PHACTR2: variants seen among roughly 807,000 people sequenced by gnomAD.
PHACTR2 encodes the protein phosphatase and actin regulator 2, also known as chromosome 6 open reading frame 56.
A neutral mutation model predicts 76.0 loss-of-function variants in PHACTR2; 30 were observed. The observed-to-expected ratio is 0.39, with a 90% confidence interval of 0.30 to 0.54. The LOEUF (loss-of-function observed/expected upper bound fraction) is 0.54, where lower values mean the gene tolerates loss of function less well. PHACTR2 is among the 20% of genes least tolerant of loss of function. The pLI, the probability that PHACTR2 is intolerant of heterozygous loss-of-function variation, is 0.61. For synonymous variants in PHACTR2, 292 were observed against 292.5 expected (o/e 1.00, Z 0.02); for missense variants, 696 against 781.1 (o/e 0.89, Z 1.30).
upstream of PHACTR2, among the ~76,000 whole-genome samples, chr6:143,603,430 G>T (rs1023378350): frequency 6.6e-6 from 1 of 151,278 alleles, no homozygotes; most frequent in African/African-American, 2.4e-5. Flanking sequence ...AAAAAAAGAG[G>T]TATCAGGCAC....
rs1775189232 is a variant in PHACTR2 at position 143,772,934 on chromosome 6, A to G, written c.1432+477A>G. Among the ~76,000 whole-genome samples the G allele has an allele frequency of 6.6e-6, 1 of 152,218 alleles. No homozygotes were observed. Among genetic ancestry groups the G allele is most frequent in the Non-Finnish European group, 1.5e-5 (1 of 68,038 alleles). On this transcript the variant is annotated intron_variant, in intron 7 of 12. Transcript: ENST00000440869. This position sits in a 1 kb window ranked among gnomAD's most constrained non-coding sequence, Gnocchi z 5.4. ...CAAGAATGCCAAATACCTCATTAGCATTAAGAGGCTGGGCACGGTGGCTCA... is the reference window on the plus strand; with the variant it reads ...CAAGAATGCCAAATACCTCATTAGCGTTAAGAGGCTGGGCACGGTGGCTCA...
In PHACTR2 at chr6:143,801,489, T is replaced by C. The variant is rs915418362; in HGVS notation, c.1846-5568T>C. On this transcript the variant is annotated intron_variant, in intron 11 of 12. Transcript: ENST00000440869. The surrounding 1 kb of genome is among the most constrained non-coding windows in gnomAD (Gnocchi z 4.6). Reference sequence around the variant, plus strand: ...TATACTTTCTTCCGCTTGATCGAAGTGGCTATTGAGGCTTGTGTATGCTTC... The same window carrying C: ...TATACTTTCTTCCGCTTGATCGAAGCGGCTATTGAGGCTTGTGTATGCTTC... Among the ~76,000 whole-genome samples the C allele has an allele frequency of 2.0e-5, 3 of 152,174 alleles. No homozygotes were observed. Among genetic ancestry groups the C allele is most frequent in the Non-Finnish European group, 2.9e-5 (2 of 68,034 alleles).
At chr6:143,542,314 C>T (rs946298089) in intron 1 of PHACTR2, among the ~76,000 whole-genome samples, 1 of 152,182 alleles carries the variant, frequency 6.6e-6, no homozygotes. Context: ...GGCTTCATTC[C>T]AGAAGGGGCA....
intron 1 of PHACTR2, among the ~76,000 whole-genome samples, chr6:143,590,673 GCTTT>G (rs774291336): frequency 3.3e-5 from 5 of 151,986 alleles, no homozygotes; most frequent in Non-Finnish European, 5.9e-5. Flanking sequence ...GAGTTCAATG[GCTTT>G]CTTTCTATCT....
rs1391443947 is a variant in PHACTR2 at position 143,824,392 on chromosome 6, C to T, written c.*703C>T. 6.6e-6 allele frequency: 1 copy of T among 152,594 alleles called. No homozygotes were observed. The highest frequency in any genetic ancestry group is 1.5e-5 in the Non-Finnish European group (1 of 68,036). 9.5% of individuals were successfully genotyped at this position (152,594 alleles called of 1,614,324 possible). ...CTTCTACTGACTCTTAACAAGCATGCTTACCCAAATTTTGTTGCATGCTTT... is the reference window on the plus strand; with the variant it reads ...CTTCTACTGACTCTTAACAAGCATGTTTACCCAAATTTTGTTGCATGCTTT... On this transcript the variant is annotated 3_prime_UTR_variant, in exon 13 of 13. Coordinates refer to ENST00000440869, the MANE Select transcript of PHACTR2 (RefSeq NM_001100164.2). This position sits in a 1 kb window ranked among gnomAD's most constrained non-coding sequence, Gnocchi z 6.3.
chr6:143,652,390 C>CTGTTTGTT lies in PHACTR2; in HGVS notation c.13+44090_13+44097dup, dbSNP rs112494577. Among the ~76,000 whole-genome samples the CTGTTTGTT allele has an allele frequency of 0.02, 3,061 of 151,980 alleles. 95 individuals carry two copies. The highest frequency in any genetic ancestry group is 0.066 in the African/African-American group (2,749 of 41,384). On this transcript the variant is annotated intron_variant, in intron 1 of 11. Coordinates refer to the PHACTR2 transcript ENST00000305766. The surrounding 1 kb of genome is among the most constrained non-coding windows in gnomAD (Gnocchi z 4.5). ...CAGCTAGACAAAGGTACCTGCGCTG[C>CTGTTTGTT]TGTTTGTTTGTTTGTTTGTTTGTTT...
At position 143,789,025 on chromosome 6, in the gene PHACTR2, A is replaced by G. The variant is rs1775619043; in HGVS notation, c.1845+115A>G. The G allele has an allele frequency of 4.7e-6, 4 of 854,410 alleles. No individual in the cohort carries two copies. Among genetic ancestry groups the G allele is most frequent in the Non-Finnish European group, 7.3e-6 (4 of 551,450 alleles). The allele number at this position is 854,410 out of a possible 1,614,324, so 52.9% of individuals were successfully genotyped here. On this transcript the variant is annotated intron_variant, in intron 11 of 12. Transcript: ENST00000440869. This position sits in a 1 kb window ranked among gnomAD's most constrained non-coding sequence, Gnocchi z 5.1. The stretch of plus-strand genomic sequence containing the variant: ...ACGAGATCTTACCAAATATTACAAC[A>G]GTTTTCTGCCTCTGATTATTTAAGC...
In PHACTR2 at chr6:143,583,278, TG is replaced by T. The variant is rs1337701313; in HGVS notation, c.217+46072del. 6.6e-6 allele frequency among the ~76,000 whole-genome samples: 1 copy of T among 152,228 alleles called. No homozygotes were observed. Among genetic ancestry groups the T allele is most frequent in the African/African-American group, 2.4e-5 (1 of 41,460 alleles). ...TTTTACTAAACCATGATTTAGTGAATGAAAGCACTTATACCATGTGAGAATG... is the reference window on the plus strand; with the variant it reads ...TTTTACTAAACCATGATTTAGTGAATAAAGCACTTATACCATGTGAGAATG... On this transcript the variant is annotated intron_variant, in intron 1 of 11. Coordinates refer to the PHACTR2 transcript ENST00000367584. This position sits in a 1 kb window ranked among gnomAD's most constrained non-coding sequence, Gnocchi z 4.0.
At chr6:143,593,841 G>A (rs1372473684) in intron 1 of PHACTR2, among the ~76,000 whole-genome samples, 3 of 152,144 alleles carry the variant, frequency 2.0e-5, no homozygotes, top group East Asian at 1.9e-4. Context: ...AAACACAAAC[G>A]TGACATTCAA....
At position 143,754,237 on chromosome 6, in the gene PHACTR2, T is replaced by G. The variant is rs1779251644; in HGVS notation, c.454+325T>G. Reference sequence around the variant, plus strand: ...TAGGAGCTTTGTCTCAGGATCATAATGAAAGTGAGAAATCTGAACATCTTT... The same window carrying G: ...TAGGAGCTTTGTCTCAGGATCATAAGGAAAGTGAGAAATCTGAACATCTTT... On this transcript the variant is annotated intron_variant, in intron 4 of 12. Coordinates refer to ENST00000440869, the MANE Select transcript of PHACTR2 (RefSeq NM_001100164.2). The surrounding 1 kb of genome is among the most constrained non-coding windows in gnomAD (Gnocchi z 6.2). 1.2e-5 allele frequency: 2 copies of G among 172,976 alleles called. No individual in the cohort carries two copies. Among genetic ancestry groups the G allele is most frequent in the African/African-American group, 4.8e-5 (2 of 41,868 alleles). The allele number at this position is 172,976 out of a possible 1,614,324, so 10.7% of individuals were successfully genotyped here.
chr6:143,829,602 T>C lies in PHACTR2; in HGVS notation c.*5913T>C, dbSNP rs1776618807. 1 of 152,164 alleles carries C rather than the reference T, an allele frequency of 6.6e-6. No homozygotes were observed. The highest frequency in any genetic ancestry group is 1.5e-5 in the Non-Finnish European group (1 of 68,036). The allele number at this position is 152,164 out of a possible 1,614,324, so 9.4% of individuals were successfully genotyped here. ...CAAAACAAGATGAGTTTTACTTAGG[T>C]GAAACATTATTAAACTGTACTAACA... On this transcript the variant is annotated 3_prime_UTR_variant, in exon 13 of 13. Coordinates refer to ENST00000440869, the MANE Select transcript of PHACTR2 (RefSeq NM_001100164.2).
rs114035565 is a variant in PHACTR2, at chr6:143,598,925, G to A, written c.217+61718G>A. Among the ~76,000 whole-genome samples, 905 of 152,258 alleles carry A rather than the reference G, an allele frequency of 5.9e-3. 10 individuals are homozygous for A. Among genetic ancestry groups the A allele is most frequent in the African/African-American group, 0.021 (876 of 41,554 alleles). On this transcript the variant is annotated intron_variant, in intron 1 of 11. Transcript: ENST00000367584. The surrounding 1 kb of genome is among the most constrained non-coding windows in gnomAD (Gnocchi z 4.1). ...TGTTATCTGTTCCAGGTTTAGTGGCGTGAATAGTAAACATAGTAGATTAGT... is the reference window on the plus strand; with the variant it reads ...TGTTATCTGTTCCAGGTTTAGTGGCATGAATAGTAAACATAGTAGATTAGT...
rs1247410732 is a variant in PHACTR2 at position 143,663,496 on chromosome 6, A to C, written c.14-48520A>C. 6.6e-6 allele frequency among the ~76,000 whole-genome samples: 1 copy of C among 151,570 alleles called. No homozygotes were observed. The highest frequency in any genetic ancestry group is 1.5e-5 in the Non-Finnish European group (1 of 67,874). On this transcript the variant is annotated intron_variant, in intron 1 of 11. Coordinates refer to the PHACTR2 transcript ENST00000305766. The surrounding 1 kb of genome is among the most constrained non-coding windows in gnomAD (Gnocchi z 4.1). ...TTTTTAGCTTTATCATTTAATATTG[A>C]CCTAATTCATTTGTGTGATTATCTT...
At chr6:143,687,602 C>G (rs1335574836) in intron 1 of PHACTR2, among the ~76,000 whole-genome samples, 2 of 152,200 alleles carry the variant, frequency 1.3e-5, no homozygotes, top group African/African-American at 4.8e-5. Context: ...GGGCAAATCA[C>G]ATTACTTGCT....
intron 2 of PHACTR2, among the ~76,000 whole-genome samples, chr6:143,721,076 C>T (rs1363888479): frequency 6.6e-6 from 1 of 152,220 alleles, no homozygotes; most frequent in Non-Finnish European, 1.5e-5. Flanking sequence ...CAGATTCTGA[C>T]CCACCATCAA....
rs370260100 is a variant in PHACTR2 at position 143,765,472 on chromosome 6, G to A, written c.906G>A (p.Leu302=). The change falls in exon 6 of 13, where the codon CTG becomes CTA. Residue 302 remains leucine (L), a synonymous_variant. Transcript: ENST00000440869. The surrounding 1 kb of genome is among the most constrained non-coding windows in gnomAD (Gnocchi z 4.1). The part of the protein sequence containing the change: ...SDTTTSGTSD[L]KGEPAETRVE... Reference sequence around the variant, plus strand: ...CAACAACTTCTGGCACATCCGACCTGAAAGGAGAGCCTGCAGAGACCAGAG... The same window carrying A: ...CAACAACTTCTGGCACATCCGACCTAAAAGGAGAGCCTGCAGAGACCAGAG... 54 of 1,614,080 alleles carry A rather than the reference G, an allele frequency of 3.3e-5. No homozygotes were observed. The African/African-American group carries it at 7.1e-4, about 21-fold the overall frequency.
chr6:143,726,911 T>C (rs1169484087), intron 2 of PHACTR2, among the ~76,000 whole-genome samples: 1 of 152,226 alleles, frequency 6.6e-6, no homozygotes, highest in Non-Finnish European at 1.5e-5. Context: ...ATTTAGGATA[T>C]CCATCACCTC....
rs1394807775 is a variant in PHACTR2 at position 143,578,100 on chromosome 6, C to G, written c.217+40893C>G. Among the ~76,000 whole-genome samples the G allele has an allele frequency of 6.6e-6, 1 of 152,194 alleles. No homozygotes were observed. Among genetic ancestry groups the G allele is most frequent in the East Asian group, 1.9e-4 (1 of 5,186 alleles). On this transcript the variant is annotated intron_variant, in intron 1 of 11. Transcript: ENST00000367584. This position sits in a 1 kb window ranked among gnomAD's most constrained non-coding sequence, Gnocchi z 4.5. ...TCCCTTTCCCTCTCATGGATTAAATCAGCCATAGTCCAAATGCAAAGAGGG... is the reference window on the plus strand; with the variant it reads ...TCCCTTTCCCTCTCATGGATTAAATGAGCCATAGTCCAAATGCAAAGAGGG...
Position 143,823,695 on chromosome 6 carries a change from A to G in PHACTR2, c.*6A>G. ...CCAGGTTTCATCGTCCATAACGAAG[A>G]GTGAGACTATTTGGAAACAGAGACT... On this transcript the variant is annotated 3_prime_UTR_variant, in exon 13 of 13. Coordinates refer to ENST00000440869, the MANE Select transcript of PHACTR2 (RefSeq NM_001100164.2). This position sits in a 1 kb window ranked among gnomAD's most constrained non-coding sequence, Gnocchi z 5.7. 6.2e-7 allele frequency: 1 copy of G among 1,610,432 alleles called. No individual in the cohort carries two copies. The highest frequency in any genetic ancestry group is 1.1e-5 in the South Asian group (1 of 90,992).
Sources: gnomAD v4.1 joint callset for allele counts (sites outside exome capture counted in the v4.1 genomes callset) on GRCh38, gnomAD v4.1.1 for gene constraint, Gnocchi (gnomAD v3.1) non-coding constraint, MANE v1.5 for transcripts, NCBI Gene and HGNC (gene_info 2026-07-23, HGNC 2026-07-21) for gene names.